Variants in TBL1XR1 observed in about 807,000 individuals in gnomAD.
TBL1XR1 encodes F-box-like/WD repeat-containing protein TBL1XR1.
TBL1XR1 carries 5 observed loss-of-function variants against 66.9 expected under a neutral mutation model. The observed-to-expected ratio is 0.07, with a 90% CI of 0.04 to 0.16. The LOEUF is 0.16. Ranked by LOEUF, TBL1XR1 falls within the 10% of genes least tolerant of loss-of-function variation. The pLI, the probability that TBL1XR1 is intolerant of heterozygous loss-of-function variation, is 1.00. For missense variants in TBL1XR1, 238 were observed against 623.2 expected, an observed-to-expected ratio of 0.38 and a Z score of 6.58; for synonymous variants, 210 against 206.0, an observed-to-expected ratio of 1.02 and a Z score of -0.17.
At chr3:177,082,274 C>A (rs944979779) in intron 2 of TBL1XR1, among the ~76,000 whole-genome samples, 1 of 151,726 alleles carries the variant, frequency 6.6e-6, no homozygotes, top group African/African-American at 2.4e-5. Flanking sequence ...AAAAAGAAGT[C>A]CAAATTTTTG....
intron 1 of TBL1XR1, among the ~76,000 whole-genome samples, chr3:177,195,878 TA>T (rs1291844656): frequency 6.6e-6 from 1 of 152,212 alleles, no homozygotes; most frequent in Non-Finnish European, 1.5e-5. Context: ...ACATAGGTAC[TA>T]AAACTCTTCA....
intron 1 of TBL1XR1, among the ~76,000 whole-genome samples, chr3:177,157,921 T>TGTG (rs1731705341): frequency 6.6e-6 from 1 of 152,200 alleles, no homozygotes; most frequent in South Asian, 2.1e-4. Flanking sequence ...ATGCATTTTA[T>TGTG]CATATGTAAA....
intron 2 of TBL1XR1, among the ~76,000 whole-genome samples, chr3:177,097,329 A>G (rs989023330): frequency 2.0e-5 from 3 of 152,188 alleles, no homozygotes; most frequent in Admixed American, 2.0e-4. Flanking sequence ...TTTATCTTCT[A>G]TTTATTTATC....
rs148045457 is a variant in TBL1XR1 at position 177,120,385 on chromosome 3, C to T, written c.-121-21844G>A. Among the ~76,000 whole-genome samples the T allele has an allele frequency of 8.5e-5, 13 of 152,238 alleles. No individual in the cohort carries two copies. The East Asian group carries it at 2.5e-3, about 29-fold the overall frequency. On this transcript the variant is annotated intron_variant, in intron 1 of 15. Transcript: ENST00000457928. The stretch of plus-strand genomic sequence containing the variant: ...ATAGTGTTAGAGAACAAGGTCTAGA[C>T]AGGTTAAATAACTTACCCCAAATCA...
intron 2 of TBL1XR1, among the ~76,000 whole-genome samples, chr3:177,088,082 C>T (rs1350703371): frequency 6.6e-6 from 1 of 151,992 alleles, no homozygotes; most frequent in Non-Finnish European, 1.5e-5. Flanking sequence ...TGAATAGTGC[C>T]TACACTGAGA....
intron 1 of TBL1XR1, among the ~76,000 whole-genome samples, chr3:177,117,790 A>AAT (rs1315559042): frequency 6.6e-6 from 1 of 152,204 alleles, no homozygotes; most frequent in Non-Finnish European, 1.5e-5. Context: ...GATTGGGAGA[A>AAT]ATATAAAGTA....
chr3:177,057,545 T>C (rs1158730803), intron 3 of TBL1XR1, among the ~76,000 whole-genome samples: 1 of 152,220 alleles, frequency 6.6e-6, no homozygotes, highest in Non-Finnish European at 1.5e-5. Context: ...AAAAAGCATA[T>C]GACTTAAGTC....
At chr3:177,150,258 A>G (rs892694742) in intron 1 of TBL1XR1, among the ~76,000 whole-genome samples, 1 of 152,194 alleles carries the variant, frequency 6.6e-6, no homozygotes. Flanking sequence ...GGCCTTAGAG[A>G]GACATATGGA....
intron 1 of TBL1XR1, among the ~76,000 whole-genome samples, chr3:177,156,636 CACA>C (rs1342126833): frequency 6.6e-6 from 1 of 150,884 alleles, no homozygotes; most frequent in Non-Finnish European, 1.5e-5. Context: ...AAAAGAATGC[CACA>C]ACAATTACAT....
At chr3:177,032,833 G>T in intron 14 of TBL1XR1, 138 bp downstream of exon 14, 1 of 640,354 alleles carries the variant, frequency 1.6e-6, no homozygotes, top group Non-Finnish European at 2.3e-6. Context: ...ACTTCCATTA[G>T]TTTCTATCTT....
At chr3:177,140,329 A>G (rs773420524) in intron 1 of TBL1XR1, among the ~76,000 whole-genome samples, 2 of 152,140 alleles carry the variant, frequency 1.3e-5, no homozygotes, top group Non-Finnish European at 2.9e-5. Flanking sequence ...TTGAACGTAT[A>G]TTCCTATAAC....
intron 2 of TBL1XR1, among the ~76,000 whole-genome samples, chr3:177,092,704 C>T (rs1022084424): frequency 1.4e-5 from 2 of 144,082 alleles, no homozygotes; most frequent in Admixed American, 7.0e-5. Context: ...GGAAAGAGTA[C>T]AGAAGTTTTT....
chr3:177,137,785 C>T (rs927959276), intron 1 of TBL1XR1, among the ~76,000 whole-genome samples: 2 of 152,160 alleles, frequency 1.3e-5, no homozygotes, highest in African/African-American at 2.4e-5. Context: ...GCCTGGGCAA[C>T]ATGGCAAAAC....
chr3:177,168,708 T>C (rs944798126), intron 1 of TBL1XR1, among the ~76,000 whole-genome samples: 1 of 152,250 alleles, frequency 6.6e-6, no homozygotes, highest in Admixed American at 6.5e-5. Context: ...TACAAACTTG[T>C]ATACATTTAA....
At chr3:177,092,444 G>A (rs1722954795) in intron 2 of TBL1XR1, among the ~76,000 whole-genome samples, 1 of 151,996 alleles carries the variant, frequency 6.6e-6, no homozygotes, top group South Asian at 2.1e-4. Context: ...AAATAAAAGG[G>A]AAAAAATAGG....
chr3:177,099,144 A>G (rs1723869034), intron 1 of TBL1XR1, among the ~76,000 whole-genome samples: 1 of 152,148 alleles, frequency 6.6e-6, no homozygotes, highest in South Asian at 2.1e-4. Context: ...AAGCAGGCGG[A>G]TCACCTGAGG....
At chr3:177,114,147 A>G (rs1443435797) in intron 1 of TBL1XR1, among the ~76,000 whole-genome samples, 1 of 152,058 alleles carries the variant, frequency 6.6e-6, no homozygotes, top group African/African-American at 2.4e-5. Flanking sequence ...ACAAAATGGT[A>G]ACTATGGGGT....
chr3:177,048,661 T>G (rs1716637418), intron 7 of TBL1XR1, among the ~76,000 whole-genome samples: 1 of 152,234 alleles, frequency 6.6e-6, no homozygotes. Context: ...GTTCATGAAC[T>G]GCTCAACTAG....
rs59334402 is a variant in TBL1XR1, at chr3:177,154,154, T to C, written c.-122+42967A>G. ...CTATATCCTGTTTAAAAGAATCCCA[T>C]GTTAACTATGAAAACAGATGATAAA... On this transcript the variant is annotated intron_variant, in intron 1 of 15. Coordinates refer to ENST00000457928, the MANE Select transcript of TBL1XR1 (RefSeq NM_024665.7). 3.7e-3 allele frequency among the ~76,000 whole-genome samples: 563 copies of C among 152,178 alleles called. 2 individuals are homozygous for C. Among genetic ancestry groups the C allele is most frequent in the African/African-American group, 0.013 (530 of 41,544 alleles).
Sources: gnomAD v4.1 joint callset for allele counts (sites outside exome capture counted in the v4.1 genomes callset) on GRCh38, gnomAD v4.1.1 for gene constraint, MANE v1.5 for transcripts, NCBI Gene and HGNC (gene_info 2026-07-23, HGNC 2026-07-21) for gene names.